The following DZIP3 variants were observed in gnomAD, a reference collection of about 807,000 sequenced individuals.
The protein encoded by DZIP3 is DAZ interacting zinc finger protein 3.
A neutral mutation model predicts 162.0 loss-of-function variants in DZIP3; 118 were observed. The ratio of observed to expected loss-of-function variants is 0.73; its 90% CI spans 0.63 to 0.85. The LOEUF is 0.85. DZIP3 is among the 40% of genes least tolerant of loss of function. DZIP3 has a pLI of 0.00. For synonymous variants in DZIP3, 438 were observed against 458.6 expected (o/e 0.96, Z 0.57); for missense variants, 1,331 against 1,407.0 (o/e 0.95, Z 0.86).
At chr3:108,646,701 C>T (rs765464325) in intron 15 of DZIP3, 52 bp downstream of exon 15, 2 of 1,280,886 alleles carry the variant, frequency 1.6e-6, no homozygotes, top group Non-Finnish European at 2.2e-6. Flanking sequence ...CAAGGGATAC[C>T]TATGAAATTT....
At chr3:108,621,665 T>A (rs1232436737) in intron 5 of DZIP3, among the ~76,000 whole-genome samples, 1 of 152,150 alleles carries the variant, frequency 6.6e-6, no homozygotes, top group African/African-American at 2.4e-5. Context: ...GGTGGGAATG[T>A]AAATTAGTAA....
At chr3:108,600,963 TTATC>T (rs1380228616) in intron 1 of DZIP3, among the ~76,000 whole-genome samples, 2 of 152,234 alleles carry the variant, frequency 1.3e-5, no homozygotes, top group African/African-American at 4.8e-5. Flanking sequence ...TTCAGCTTCC[TTATC>T]TAACGAAGAA....
At chr3:108,638,660 T>C (rs1942262300) in intron 12 of DZIP3, among the ~76,000 whole-genome samples, 2 of 152,176 alleles carry the variant, frequency 1.3e-5, no homozygotes, top group African/African-American at 4.8e-5. Flanking sequence ...TTCTACCCTG[T>C]CTCTACCACT....
chr3:108,679,165 T>C (rs1178845183), intron 26 of DZIP3, among the ~76,000 whole-genome samples: 3 of 152,146 alleles, frequency 2.0e-5, no homozygotes, highest in East Asian at 3.9e-4. Flanking sequence ...TTCAAAATAC[T>C]GTCCTTAGAT....
intron 22 of DZIP3, among the ~76,000 whole-genome samples, chr3:108,671,299 G>A (rs1943919471): frequency 6.6e-6 from 1 of 151,776 alleles, no homozygotes; most frequent in African/African-American, 2.4e-5. Context: ...ATCAATGTTT[G>A]TTAGGTCCTC....
intron 1 of DZIP3, among the ~76,000 whole-genome samples, chr3:108,591,379 A>C (rs934357991): frequency 1.3e-5 from 2 of 152,254 alleles, no homozygotes; most frequent in African/African-American, 4.8e-5. Context: ...TGAAGTGATC[A>C]GAGTTTGATA....
chr3:108,642,348 A>G, intron 12 of DZIP3, 90 bp from the exon 13 acceptor site: 1 of 1,298,532 alleles, frequency 7.7e-7, no homozygotes, highest in Admixed American at 3.2e-5. Context: ...GAAGATGAAA[A>G]TACTCACTTA....
intron 21 of DZIP3, 122 bp downstream of exon 21, chr3:108,662,379 G>A (rs1943480555): frequency 2.5e-6 from 3 of 1,205,440 alleles, no homozygotes; most frequent in Non-Finnish European, 3.3e-6. Context: ...TCAACCACAC[G>A]ACTGCACTTG....
chr3:108,629,669 T>G (rs1259073159), intron 8 of DZIP3, among the ~76,000 whole-genome samples: 2 of 152,050 alleles, frequency 1.3e-5, no homozygotes, highest in African/African-American at 2.4e-5. Flanking sequence ...ATTTTGTGAT[T>G]TTAAGTTGTG....
intron 32 of DZIP3, 120 bp downstream of exon 32, chr3:108,691,023 C>A: frequency 1.3e-6 from 1 of 761,480 alleles, no homozygotes; most frequent in Non-Finnish European, 2.1e-6. Flanking sequence ...TTTATCAAAG[C>A]AGCAGCCAAA....
At chr3:108,643,369 T>C (rs1325208813) in intron 13 of DZIP3, among the ~76,000 whole-genome samples, 1 of 152,088 alleles carries the variant, frequency 6.6e-6, no homozygotes, top group Non-Finnish European at 1.5e-5. Context: ...TATCTTTTTT[T>C]GAGGGGGTGA....
chr3:108,625,786 T>C, intron 6 of DZIP3, 59 bp from the exon 7 acceptor site: 4 of 1,385,966 alleles, frequency 2.9e-6, no homozygotes, highest in Non-Finnish European at 3.8e-6. Flanking sequence ...TAATTGTTTA[T>C]TGTAAAAAAA....
intron 19 of DZIP3, among the ~76,000 whole-genome samples, chr3:108,659,677 A>G (rs557006191): frequency 6.6e-6 from 1 of 152,342 alleles, no homozygotes; most frequent in South Asian, 2.1e-4. Flanking sequence ...GTATTCAATT[A>G]GGAAAAGAGG....
At chr3:108,619,081 A>G (rs955066134) in intron 5 of DZIP3, among the ~76,000 whole-genome samples, 32 of 151,212 alleles carry the variant, frequency 2.1e-4, no homozygotes, top group Non-Finnish European at 3.7e-4. Context: ...AAAAAAAAAA[A>G]AAAAAGAAAG....
At position 108,694,602 on chromosome 3, in the gene DZIP3, C is replaced by T. The variant is rs13318855; in HGVS notation, c.*1249C>T. ...TCAGATCTCATGAGGCTTACTATCA[C>T]GAGAACAGCATGGGAAAGACCTGCC... is the stretch of plus-strand genomic sequence containing the variant. On this transcript the variant is annotated 3_prime_UTR_variant, in exon 33 of 33. Transcript: ENST00000361582. 2,896 of 152,736 alleles carry T rather than the reference C, an allele frequency of 0.019. 101 individuals carry two copies. The highest frequency in any genetic ancestry group is 0.067 in the African/African-American group (2,763 of 41,510). 9.5% of individuals were successfully genotyped at this position (152,736 alleles called of 1,614,324 possible). A position where few individuals can be genotyped will look rare whatever the true frequency, so the allele number is the denominator to read the frequency against.
At chr3:108,621,747 C>T (rs988418174) in intron 5 of DZIP3, among the ~76,000 whole-genome samples, 4 of 152,126 alleles carry the variant, frequency 2.6e-5, no homozygotes, top group African/African-American at 9.7e-5. Flanking sequence ...TCCAGCAATC[C>T]CACTGCTGGG....
At chr3:108,650,245 C>T (rs1942803285) in intron 17 of DZIP3, among the ~76,000 whole-genome samples, 1 of 151,762 alleles carries the variant, frequency 6.6e-6, no homozygotes, top group South Asian at 2.1e-4. Flanking sequence ...ATCCATTATG[C>T]TAGATGTGTT....
At chr3:108,681,930 G>T in intron 26 of DZIP3, among the ~76,000 whole-genome samples, 1 of 149,364 alleles carries the variant, frequency 6.7e-6, no homozygotes, top group African/African-American at 2.6e-5. Context: ...GGGCCTGTCG[G>T]GGGGTGGGGG....
rs752313764 is a variant in DZIP3 at position 108,688,886 on chromosome 3, CT to C, written c.3481del (p.Ser1161GlnfsTer18). The C allele has an allele frequency of 6.2e-7, 1 of 1,614,070 alleles. No individual in the cohort carries two copies. The highest frequency in any genetic ancestry group is 1.3e-5 in the African/African-American group (1 of 74,936). On this transcript the variant is annotated frameshift_variant, in exon 31 of 33. Transcript: ENST00000361582. LOFTEE classifies it high-confidence loss of function. ...ICHENLSPEN[L>X]SVLPCAHKFH... ...TCATGAGAATCTGTCTCCAGAAAAT[CT>C]TTCAGTTTTGCCTTGCGCTCACAAA... is the stretch of plus-strand genomic sequence containing the variant.
Sources: allele counts gnomAD v4.1 joint callset (sites outside exome capture counted in the v4.1 genomes callset), GRCh38; gene constraint gnomAD v4.1.1; transcripts MANE v1.5; gene names NCBI Gene and HGNC (gene_info 2026-07-23, HGNC 2026-07-21).